VWF: variants seen among roughly 807,000 people sequenced by gnomAD.
VWF encodes Factor VIII related antigen.
Under a neutral mutation model 308.6 loss-of-function variants are expected in VWF, and 176 were observed. The ratio of observed to expected loss-of-function variants is 0.57; its 90% CI spans 0.50 to 0.65. The LOEUF is 0.65. VWF is among the 30% of genes least tolerant of loss of function. The pLI is 0.00. For synonymous variants in VWF, 1,385 were observed against 1,443.4 expected (o/e 0.96, Z 0.92); for missense variants, 3,146 against 3,648.2 (o/e 0.86, Z 3.55).
intron 47 of VWF, among the ~76,000 whole-genome samples, chr12:5,954,509 T>C (rs1943226605): frequency 6.6e-6 from 1 of 152,216 alleles, no homozygotes; most frequent in African/African-American, 2.4e-5. Flanking sequence ...GCCGTCTGTA[T>C]GGCACTGGAC....
chr12:6,099,323 A>C (rs961838057), intron 5 of VWF, among the ~76,000 whole-genome samples: 2 of 126,414 alleles, frequency 1.6e-5, no homozygotes, highest in Admixed American at 7.4e-5. Context: ...TATCTCAAAA[A>C]AAAAAAAAAA....
chr12:5,974,691 A>C (rs1410939348), intron 43 of VWF, among the ~76,000 whole-genome samples: 1 of 152,220 alleles, frequency 6.6e-6, no homozygotes, highest in Non-Finnish European at 1.5e-5. Flanking sequence ...TGTGTAAACA[A>C]AATGTGTGAG....
At position 6,023,746 on chromosome 12, in the gene VWF, G is replaced by A. The variant is rs749337729; in HGVS notation, c.3264C>T (p.Thr1088=). Residue 1088 remains threonine, a synonymous_variant, in exon 25 of 52, where the codon ACC becomes ACT. Coordinates refer to ENST00000261405, the MANE Select transcript of VWF (RefSeq NM_000552.5). The part of the protein sequence containing the change: ...EPYLDVCIYD[T]CSCESIGDCA... ...AGTCCCCAATGGACTCACAGGAGCA[G>A]GTGTCGTAAATGCAGACATCCAGAT... The A allele has an allele frequency of 5.6e-6, 9 of 1,613,372 alleles. No homozygotes were observed. In the East Asian group the frequency reaches 1.8e-4, roughly 32 times the overall value.
At chr12:5,967,724 C>T in intron 46 of VWF, 122 bp from the exon 47 acceptor site, 1 of 875,582 alleles carries the variant, frequency 1.1e-6, no homozygotes, top group Non-Finnish European at 1.9e-6. Flanking sequence ...CTCTGCTGCT[C>T]CTCCTGTCTC....
chr12:6,052,490 T>G, intron 16 of VWF, 53 bp downstream of exon 16: 2 of 1,613,724 alleles, frequency 1.2e-6, no homozygotes, highest in Non-Finnish European at 1.7e-6. Context: ...GGTCCCGTTT[T>G]CCTCCCCAGC....
chr12:6,041,541 T>C (rs1403842987), intron 18 of VWF, among the ~76,000 whole-genome samples: 4 of 151,888 alleles, frequency 2.6e-5, no homozygotes, highest in African/African-American at 4.8e-5. Context: ...CTCCGCCTCC[T>C]GGGTTCACGG....
At chr12:6,012,846 T>C (rs112120683) in intron 32 of VWF, among the ~76,000 whole-genome samples, 8,464 of 151,674 alleles carry the variant, frequency 0.056, 722 homozygotes, top group African/African-American at 0.19. Flanking sequence ...GTACTACAGG[T>C]GCCCGCCACC....
At chr12:6,112,383 C>T (rs934156370) in intron 3 of VWF, among the ~76,000 whole-genome samples, 2 of 152,044 alleles carry the variant, frequency 1.3e-5, no homozygotes, top group African/African-American at 2.4e-5. Flanking sequence ...TCAAAGATAA[C>T]TAATTGGTCA....
Position 5,968,170 on chromosome 12 carries a change from G to C in VWF, c.7730-3C>G, listed in dbSNP as rs372396117. On this transcript the variant is annotated splice_polypyrimidine_tract_variant and splice_region_variant and intron_variant, in intron 45 of 51. Coordinates refer to ENST00000261405, the MANE Select transcript of VWF (RefSeq NM_000552.5). ...GAGCATGCAGGCCTCCATGCGCTCT[G>C]GGGGAGAGAAAAGTGCAGAGTGAGA... 2.5e-6 allele frequency: 4 copies of C among 1,613,870 alleles called. No individual in the cohort carries two copies. Among genetic ancestry groups the C allele is most frequent in the African/African-American group, 1.3e-5 (1 of 74,922 alleles).
At chr12:5,975,479 C>G (rs573398970) in intron 43 of VWF, among the ~76,000 whole-genome samples, 80 of 152,294 alleles carry the variant, frequency 5.3e-4, no homozygotes, top group African/African-American at 1.8e-3. Flanking sequence ...CCAGCACACA[C>G]AGGAGCCTCA....
intron 15 of VWF, among the ~76,000 whole-genome samples, chr12:6,055,483 C>T (rs1944566488): frequency 6.6e-6 from 1 of 152,108 alleles, no homozygotes; most frequent in African/African-American, 2.4e-5. Context: ...CAGCCCCTAG[C>T]CTGTGGCTCC....
chr12:6,031,469 C>A lies in VWF; in HGVS notation c.2795G>T (p.Gly932Val). ...CTCCCCGTCAAACAGCTCAATCTCT[C>A]CTCCCTCCACCAGGATGGTGACCCG... ...KKRVTILVEG[G>V]EIELFDGEVN... The change falls in exon 21 of 52, where the codon GGA becomes GTA. Residue 932 changes from glycine to valine, a missense_variant. By Grantham distance (109) the Gly-to-Val change is moderately radical. Around this residue, in one of 3 missense-constraint regions of VWF, gnomAD observed 1,304 missense variants for 1,353.0 expected, o/e 0.96. Transcript: ENST00000261405. 1 of 1,614,148 alleles carries A rather than the reference C, an allele frequency of 6.2e-7. No homozygotes were observed. Among genetic ancestry groups the A allele is most frequent in the Non-Finnish European group, 8.5e-7 (1 of 1,180,036 alleles).
Position 6,019,782 on chromosome 12 carries a change from G to T in VWF, c.3675-39C>A, listed in dbSNP as rs766910217. On this transcript the variant is annotated intron_variant, in intron 27 of 51. Coordinates refer to ENST00000261405, the MANE Select transcript of VWF (RefSeq NM_000552.5). This position sits in a 1 kb window ranked among gnomAD's most constrained non-coding sequence, Gnocchi z 5.8. ...CGAAGAAATTAAAATGGTTCAGGAAGAACCTGTGGACACTTCTGAGCCCTA... is the reference window on the plus strand; with the variant it reads ...CGAAGAAATTAAAATGGTTCAGGAATAACCTGTGGACACTTCTGAGCCCTA... 9 of 1,574,472 alleles carry T rather than the reference G, an allele frequency of 5.7e-6. No homozygotes were observed. The Admixed American group carries it at 1.7e-4, about 30-fold the overall frequency.
chr12:5,998,170 G>A (rs1235981128), intron 34 of VWF, among the ~76,000 whole-genome samples: 2 of 151,884 alleles, frequency 1.3e-5, no homozygotes, highest in Non-Finnish European at 2.9e-5. Context: ...AGACGTCCAG[G>A]TAGCCAAAGT....
intron 5 of VWF, among the ~76,000 whole-genome samples, chr12:6,101,907 G>A (rs2136508540): frequency 6.6e-6 from 1 of 152,346 alleles, no homozygotes; most frequent in South Asian, 2.1e-4. Context: ...AGGCGTGGTG[G>A]CTCATGCCTG....
Position 6,011,698 on chromosome 12 carries a change from G to A in VWF, c.5761C>T (p.Arg1921Trp), listed in dbSNP as rs563631823. The A allele has an allele frequency of 5.0e-5, 81 of 1,613,878 alleles. No individual in the cohort carries two copies. In the East Asian group the frequency reaches 5.1e-4, roughly 10 times the overall value. The stretch of plus-strand genomic sequence containing the variant: ...TTAGGGCACGAAGGCCTCAGCCCCC[G>A]GTCACAGTTGACCCGATGACTCTTC... ...LLKSHRVNCD[R>W]GLRPSCPNSQ... The change falls in exon 34 of 52, where the codon CGG becomes TGG. Residue 1921 changes from arginine to tryptophan, a missense_variant. By Grantham distance (101) the Arg-to-Trp change is moderately radical. Transcript: ENST00000261405.
At chr12:6,121,100 A>T (rs1430239675) in intron 3 of VWF, 74 bp downstream of exon 3, 3 of 1,595,968 alleles carry the variant, frequency 1.9e-6, no homozygotes, top group South Asian at 1.1e-5. Context: ...TGAGAGCAGG[A>T]ATCCTCCCCC....
intron 42 of VWF, among the ~76,000 whole-genome samples, chr12:5,979,377 T>C (rs904851291): frequency 6.6e-6 from 1 of 152,218 alleles, no homozygotes; most frequent in Non-Finnish European, 1.5e-5. Context: ...ATAGTAAAAC[T>C]ATAAATTGTT....
chr12:6,031,559 G>A lies in VWF; in HGVS notation c.2705C>T (p.Pro902Leu). The A allele has an allele frequency of 1.2e-6, 2 of 1,614,080 alleles. No individual in the cohort carries two copies. Among genetic ancestry groups the A allele is most frequent in the Non-Finnish European group, 1.7e-6 (2 of 1,180,010 alleles). The change falls in exon 21 of 52, where the codon CCT becomes CTT. Residue 902 changes from proline (P) to leucine (L), a missense_variant. By Grantham distance (98) the Pro-to-Leu change is moderately conservative. Transcript: ENST00000261405. The stretch of plus-strand genomic sequence containing the variant: ...CCCCACTAGGATCCGAAAGGTCCCA[G>A]GGTTACTGCCGCAGTAATCCTGGGG... ...VLVQDYCGSN[P>L]GTFRILVGNK...
Sources: allele counts gnomAD v4.1 joint callset (sites outside exome capture counted in the v4.1 genomes callset), GRCh38; gene constraint gnomAD v4.1.1; regional missense constraint gnomAD v4.1.1; non-coding constraint Gnocchi (gnomAD v3.1); transcripts MANE v1.5; gene names NCBI Gene and HGNC (gene_info 2026-07-23, HGNC 2026-07-21).